The following FRMPD4 variants were observed in gnomAD, a reference collection of about 807,000 sequenced individuals.
FRMPD4 encodes FERM and PDZ domain-containing protein 4.
A neutral mutation model predicts 94.1 loss-of-function variants in FRMPD4; 22 were observed. The ratio of observed to expected loss-of-function variants is 0.23; its 90% CI spans 0.17 to 0.33. The LOEUF (loss-of-function observed/expected upper bound fraction) is 0.33, where lower values mean the gene tolerates loss of function less well. Among genes scored for constraint, FRMPD4 ranks in the 10% least tolerant of loss-of-function variants. The pLI is 1.00. For synonymous variants in FRMPD4, 631 were observed against 548.6 expected, an observed-to-expected ratio of 1.15 and a Z score of -2.10; for missense variants, 1,111 against 1,339.9, an observed-to-expected ratio of 0.83 and a Z score of 2.67.
chrX:12,449,736 A>G (rs1195491183), intron 1 of FRMPD4, among the ~76,000 whole-genome samples: 2 of 111,555 alleles, frequency 1.8e-5, no homozygotes, highest in Admixed American at 1.9e-4. Context: ...GCCTCTAATT[A>G]CAGCACTTCG....
chrX:12,279,144 C>T (rs1329687305), intron 1 of FRMPD4, among the ~76,000 whole-genome samples: 1 of 113,038 alleles, frequency 8.8e-6, no homozygotes, highest in Non-Finnish European at 1.9e-5. Flanking sequence ...AGATCTTTGC[C>T]CTTTCTAGCA....
chrX:12,592,213 C>A (rs1382864425), intron 2 of FRMPD4, among the ~76,000 whole-genome samples: 2 of 111,918 alleles, frequency 1.8e-5, no homozygotes, highest in African/African-American at 6.5e-5. Flanking sequence ...TTAGATCATA[C>A]CCTTTTGTCT....
At chrX:11,858,691 C>T (rs1299264101) in intron 1 of FRMPD4, among the ~76,000 whole-genome samples, 1 of 111,154 alleles carries the variant, frequency 9.0e-6, no homozygotes, top group Admixed American at 9.6e-5. Flanking sequence ...ACTTGTACCC[C>T]TGAACTTAAA....
chrX:12,672,854 A>G (rs1317831519), intron 4 of FRMPD4, among the ~76,000 whole-genome samples: 18 of 112,198 alleles, frequency 1.6e-4, no homozygotes, highest in Non-Finnish European at 3.0e-4. Flanking sequence ...AAACAAAAGT[A>G]AAAGCTCTTT....
At chrX:12,161,907 A>G (rs1446309174) in intron 1 of FRMPD4, among the ~76,000 whole-genome samples, 2 of 111,899 alleles carry the variant, frequency 1.8e-5, no homozygotes, top group African/African-American at 3.3e-5. Flanking sequence ...TATCACTACT[A>G]TCAAAGGAAA....
At chrX:12,314,139 C>T (rs1339346860) in intron 1 of FRMPD4, among the ~76,000 whole-genome samples, 1 of 112,422 alleles carries the variant, frequency 8.9e-6, no homozygotes, top group Non-Finnish European at 1.9e-5. Flanking sequence ...TTTGTTCAAT[C>T]AACTAATTAC....
At chrX:12,447,131 AATACCCCAGTCCTAAATCAGTG>A (rs2057206900) in intron 1 of FRMPD4, among the ~76,000 whole-genome samples, 1 of 111,505 alleles carries the variant, frequency 9.0e-6, no homozygotes, top group Non-Finnish European at 1.9e-5. Flanking sequence ...TGACGAAATT[AATACCCCAGTCCTAAATCAGTG>A]ATGGCAAGAA....
At chrX:11,931,370 G>A (rs1308385307) in intron 3 of FRMPD4, among the ~76,000 whole-genome samples, 4 of 112,086 alleles carry the variant, frequency 3.6e-5, no homozygotes, top group Non-Finnish European at 7.5e-5. Context: ...TTTCCTTGGG[G>A]TCTCCCACAG....
intron 1 of FRMPD4, among the ~76,000 whole-genome samples, chrX:12,273,437 A>C (rs1302283830): frequency 2.7e-5 from 3 of 112,638 alleles, no homozygotes; most frequent in African/African-American, 9.7e-5. Context: ...ATTCAAAGAC[A>C]CCAGAAATTT....
intron 1 of FRMPD4, among the ~76,000 whole-genome samples, chrX:12,176,236 T>A (rs1158550965): frequency 8.9e-6 from 1 of 111,915 alleles, no homozygotes; most frequent in African/African-American, 3.2e-5. Flanking sequence ...TCAAAAGAAG[T>A]CCCTTAGGTG....
chrX:12,436,302 G>T (rs950774793), intron 1 of FRMPD4, among the ~76,000 whole-genome samples: 2 of 111,162 alleles, frequency 1.8e-5, no homozygotes, highest in East Asian at 2.8e-4. Flanking sequence ...ACCATGCCTG[G>T]CCTGTCCTTC....
intron 2 of FRMPD4, among the ~76,000 whole-genome samples, chrX:12,592,247 T>C (rs2058989562): frequency 8.9e-6 from 1 of 112,257 alleles, no homozygotes; most frequent in South Asian, 3.8e-4. Context: ...CATGACTCTC[T>C]ATTCTTCGTC....
intron 1 of FRMPD4, among the ~76,000 whole-genome samples, chrX:12,169,822 A>G (rs2056188835): frequency 8.9e-6 from 1 of 112,710 alleles, no homozygotes; most frequent in Non-Finnish European, 1.9e-5. Flanking sequence ...GTAAGATTTT[A>G]AAACACATGA....
intron 1 of FRMPD4, among the ~76,000 whole-genome samples, chrX:12,365,090 T>C (rs770762225): frequency 3.6e-5 from 4 of 112,372 alleles, no homozygotes; most frequent in Non-Finnish European, 7.5e-5. Context: ...GCTTCCTTCC[T>C]GGAAACCAAG....
chrX:12,239,176 T>A (rs2057103108), intron 1 of FRMPD4, among the ~76,000 whole-genome samples: 1 of 112,456 alleles, frequency 8.9e-6, no homozygotes, highest in Admixed American at 9.4e-5. Flanking sequence ...AATTGGTCCC[T>A]GGCAAGATTT....
chrX:12,359,846 C>T (rs2055957469), intron 1 of FRMPD4, among the ~76,000 whole-genome samples: 2 of 111,288 alleles, frequency 1.8e-5, no homozygotes, highest in Admixed American at 1.9e-4. Context: ...CACACTTATG[C>T]AGTTGGTTAT....
At chrX:12,616,179 C>T (rs113641520) in intron 4 of FRMPD4, among the ~76,000 whole-genome samples, 35 of 111,018 alleles carry the variant, frequency 3.2e-4, no homozygotes, top group African/African-American at 1.1e-3. Flanking sequence ...TAGGTGGGGC[C>T]TTTAGGGAAG....
chrX:12,387,977 T>TAAAA (rs57694212), intron 1 of FRMPD4, among the ~76,000 whole-genome samples: 1 of 93,606 alleles, frequency 1.1e-5, no homozygotes, highest in Non-Finnish European at 2.1e-5. Context: ...GAATCAATCT[T>TAAAA]AAAAAAAAAA....
intron 1 of FRMPD4, among the ~76,000 whole-genome samples, chrX:12,282,085 A>G (rs2054534881): frequency 1.8e-5 from 2 of 112,591 alleles, no homozygotes; most frequent in South Asian, 3.7e-4. Flanking sequence ...TCTACTCTAC[A>G]CTATCCCTTC....
Sources: gnomAD v4.1 joint callset for allele counts (sites outside exome capture counted in the v4.1 genomes callset) on GRCh38, gnomAD v4.1.1 for gene constraint, MANE v1.5 for transcripts, NCBI Gene and HGNC (gene_info 2026-07-23, HGNC 2026-07-21) for gene names.